Variants in OLR1 observed in about 807,000 individuals in gnomAD.
OLR1 encodes oxidized low density lipoprotein receptor 1, also known as oxidized low-density lipoprotein receptor 1.
Under a neutral mutation model 31.7 loss-of-function variants are expected in OLR1, and 23 were observed. The ratio of observed to expected loss-of-function variants is 0.72; its 90% CI spans 0.52 to 1.03. The LOEUF (loss-of-function observed/expected upper bound fraction) is 1.03, where lower values mean the gene tolerates loss of function less well. Among genes scored for constraint, OLR1 ranks in the 50% least tolerant of loss-of-function variants. The pLI is 0.00. For synonymous variants in OLR1, 117 were observed against 115.8 expected, an observed-to-expected ratio of 1.01 and a Z score of -0.07; for missense variants, 286 against 315.7, an observed-to-expected ratio of 0.91 and a Z score of 0.71.
chr12:10,166,677 C>T, intron 3 of OLR1, 35 bp downstream of exon 3: 2 of 1,610,986 alleles, frequency 1.2e-6, no homozygotes, highest in South Asian at 2.2e-5. Context: ...CAGAAAGCTT[C>T]CACTATGTCT....
intron 3 of OLR1, among the ~76,000 whole-genome samples, chr12:10,163,729 G>A (rs1948638553): frequency 2.0e-5 from 3 of 152,074 alleles, no homozygotes; most frequent in African/African-American, 4.8e-5. Context: ...TCAGGGGTTC[G>A]AGACCAGCCT....
intron 1 of OLR1, among the ~76,000 whole-genome samples, chr12:10,169,821 C>T (rs971509273): frequency 1.3e-5 from 2 of 151,808 alleles, no homozygotes; most frequent in Non-Finnish European, 2.9e-5. Context: ...CCTACACTCA[C>T]GCCAAGTGTA....
At position 10,172,105 on chromosome 12, in the gene OLR1, G is replaced by C; in HGVS notation, c.-28C>G. 6.4e-7 allele frequency: 1 copy of C among 1,566,060 alleles called. No homozygotes were observed. The highest frequency in any genetic ancestry group is 8.8e-7 in the Non-Finnish European group (1 of 1,137,090). On this transcript the variant is annotated 5_prime_UTR_variant, in exon 1 of 6. Coordinates refer to ENST00000309539, the MANE Select transcript of OLR1 (RefSeq NM_002543.4). ...CCAAATTCAAGCTAAGAATGAGAGA[G>C]TGAAGCAGTCACGAACTTCAACAAA...
Position 10,160,930 on chromosome 12 carries a change from G to A in OLR1, c.425-5C>T. The A allele has an allele frequency of 6.2e-7, 1 of 1,613,706 alleles. No individual in the cohort carries two copies. The highest frequency in any genetic ancestry group is 8.5e-7 in the Non-Finnish European group (1 of 1,179,628). On this transcript the variant is annotated splice_region_variant and splice_polypyrimidine_tract_variant and intron_variant, in intron 3 of 5. Transcript: ENST00000309539. ...TCCAGTCTTGCGGACAAGGAGCTGG[G>A]AAGGATAGTATATCTCATCAGTCAG...
chr12:10,160,659 G>A (rs1392995943), intron 4 of OLR1, 127 bp downstream of exon 4: 2 of 1,248,864 alleles, frequency 1.6e-6, no homozygotes, highest in South Asian at 1.4e-5. Flanking sequence ...CAAAATTGGT[G>A]ATCAGACTAA....
In OLR1 at chr12:10,166,921, G is replaced by T; in HGVS notation, c.215C>A (p.Ala72Glu). ...TTTCTTTTTCTGGTGAGTTAGGTTT[G>T]CTTGCTCTTGTGTTAGGAGGTCAGA... ...QVSDLLTQEQANLTHQKKKLE... is the reference protein window; with the variant it reads ...QVSDLLTQEQENLTHQKKKLE... The change falls in exon 3 of 6, where the codon GCA becomes GAA. Residue 72 changes from alanine to glutamate, a missense_variant. Ala to Glu is a moderately radical substitution (Grantham distance 107, BLOSUM62 -1). Transcript: ENST00000309539. 6.2e-7 allele frequency: 1 copy of T among 1,613,634 alleles called. No individual in the cohort carries two copies. The highest frequency in any genetic ancestry group is 8.5e-7 in the Non-Finnish European group (1 of 1,179,938).
chr12:10,160,667 T>C, intron 4 of OLR1, 119 bp downstream of exon 4: 1 of 1,342,632 alleles, frequency 7.4e-7, no homozygotes, highest in Non-Finnish European at 1.0e-6. Context: ...GTGATCAGAC[T>C]AAGCTAAAAA....
At chr12:10,160,539 C>A in intron 4 of OLR1, 77 bp from the exon 5 acceptor site, 3 of 1,175,956 alleles carry the variant, frequency 2.6e-6, no homozygotes. Flanking sequence ...AGTGTTGGAT[C>A]CACAAAACTA....
At chr12:10,175,948 G>C (rs929395131), upstream of OLR1, among the ~76,000 whole-genome samples, 1 of 152,212 alleles carries the variant, frequency 6.6e-6, no homozygotes, top group African/African-American at 2.4e-5. Flanking sequence ...TGTTACACCA[G>C]TTGTATAACA....
upstream of OLR1, chr12:10,172,140 T>C: frequency 9.1e-7 from 1 of 1,101,178 alleles, no homozygotes; most frequent in Non-Finnish European, 1.4e-6. Flanking sequence ...ACTAAAAATA[T>C]GTGAGCTTCT....
chr12:10,160,146 G>A lies in OLR1; in HGVS notation c.681-125C>T, dbSNP rs1274338966. On this transcript the variant is annotated intron_variant, in intron 5 of 5. Transcript: ENST00000309539. ...TCCAATCAGTAATAAATGTGGGAAGGAAAACTCAAGAAAATGTCTGAATGG... is the reference window on the plus strand; with the variant it reads ...TCCAATCAGTAATAAATGTGGGAAGAAAAACTCAAGAAAATGTCTGAATGG... 5.5e-6 allele frequency: 6 copies of A among 1,081,270 alleles called. No individual in the cohort carries two copies. The Admixed American group carries it at 7.5e-5, about 13-fold the overall frequency. The allele number at this position is 1,081,270 out of a possible 1,614,324, so 67.0% of individuals were successfully genotyped here.
chr12:10,163,114 T>C (rs1431892482), intron 3 of OLR1, among the ~76,000 whole-genome samples: 1 of 152,198 alleles, frequency 6.6e-6, no homozygotes, highest in African/African-American at 2.4e-5. Flanking sequence ...CTGTTGGAAG[T>C]ACTGTACAGG....
intron 1 of OLR1, among the ~76,000 whole-genome samples, chr12:10,169,793 C>T (rs929251748): frequency 6.6e-6 from 1 of 151,914 alleles, no homozygotes; most frequent in Non-Finnish European, 1.5e-5. Context: ...ATTAATTTAG[C>T]TTATATTAAC....
At chr12:10,170,574 C>A (rs1217612264) in intron 1 of OLR1, 2 of 150,652 alleles carry the variant, frequency 1.3e-5, no homozygotes, top group African/African-American at 4.9e-5. Context: ...TCACTGCAAC[C>A]TCCGCCTCCT....
chr12:10,166,126 T>G (rs1425755254), intron 3 of OLR1, among the ~76,000 whole-genome samples: 3 of 151,448 alleles, frequency 2.0e-5, no homozygotes, highest in South Asian at 4.2e-4. Flanking sequence ...GCAGGAGAAC[T>G]GCTTGAACCC....
rs539332005 is a variant in OLR1 at position 10,171,878 on chromosome 12, A to G, written c.76+124T>C. 15 of 634,478 alleles carry G rather than the reference A, an allele frequency of 2.4e-5. No homozygotes were observed. In the African/African-American group the frequency reaches 2.7e-4, roughly 12 times the overall value. 39.3% of individuals were successfully genotyped at this position (634,478 alleles called of 1,614,324 possible). The stretch of plus-strand genomic sequence containing the variant: ...GCCTTCTTGTTTTTCTTTTAAGTAA[A>G]TGGTATTAATTCTATTTTCCCATAC... On this transcript the variant is annotated intron_variant, in intron 1 of 5. Coordinates refer to ENST00000309539, the MANE Select transcript of OLR1 (RefSeq NM_002543.4).
At chr12:10,162,955 TTGTG>T (rs10637880) in intron 3 of OLR1, among the ~76,000 whole-genome samples, 6 of 151,276 alleles carry the variant, frequency 4.0e-5, no homozygotes, top group Non-Finnish European at 7.4e-5. Context: ...CTGTATTTCT[TTGTG>T]TGTGTGTGTG....
At chr12:10,165,741 TGACACAGCGA>T (rs1321519517) in intron 3 of OLR1, among the ~76,000 whole-genome samples, 1 of 150,032 alleles carries the variant, frequency 6.7e-6, no homozygotes, top group Non-Finnish European at 1.5e-5. Context: ...AGCCTGGGTG[TGACACAGCGA>T]GACTGTCTCA....
At chr12:10,171,118 T>A (rs999516510) in intron 1 of OLR1, among the ~76,000 whole-genome samples, 2 of 152,228 alleles carry the variant, frequency 1.3e-5, no homozygotes, top group Admixed American at 6.5e-5. Flanking sequence ...CCTATAAATA[T>A]CAGCAGTTTT....
Sources: allele counts gnomAD v4.1 joint callset (sites outside exome capture counted in the v4.1 genomes callset), GRCh38; gene constraint gnomAD v4.1.1; transcripts MANE v1.5; gene names NCBI Gene and HGNC (gene_info 2026-07-23, HGNC 2026-07-21).